ZKSCAN3: variants seen among roughly 807,000 people sequenced by gnomAD.
ZKSCAN3 encodes zinc finger protein with KRAB and SCAN domains 3.
In ZKSCAN3, 21 loss-of-function variants were observed where a neutral mutation model predicts 30.7. That is an observed-to-expected ratio of 0.68 (90% CI 0.49 to 0.99). ZKSCAN3 has a LOEUF of 0.99. ZKSCAN3 is among the 50% of genes least tolerant of loss of function. The pLI is 0.00. For synonymous variants in ZKSCAN3, 201 were observed against 246.7 expected (o/e 0.81, Z 1.73); for missense variants, 507 against 647.1 (o/e 0.78, Z 2.35).
chr6:28,364,441 G>C (rs914735429), intron 5 of ZKSCAN3, among the ~76,000 whole-genome samples: 1 of 152,230 alleles, frequency 6.6e-6, no homozygotes, highest in Admixed American at 6.5e-5. Context: ...GAAGAGGAAA[G>C]CTGGGAGGCC....
chr6:28,352,316 AT>A (rs138730255), intron 1 of ZKSCAN3, among the ~76,000 whole-genome samples: 3 of 151,404 alleles, frequency 2.0e-5, no homozygotes, highest in African/African-American at 4.9e-5. Flanking sequence ...GATTTAATTG[AT>A]TTTTTTTTCA....
Position 28,363,171 on chromosome 6 carries a change from T to C in ZKSCAN3, c.551-132T>C, listed in dbSNP as rs1174834487. ...AGTGCAGTGGCTCAATCACAGCTCA[T>C]TGCAGCTTCAGACTCCTGGGCTCAA... On this transcript the variant is annotated intron_variant, in intron 3 of 5. Transcript: ENST00000252211. The C allele has an allele frequency of 1.4e-5, 10 of 729,998 alleles. No homozygotes were observed. In the South Asian group the frequency reaches 1.7e-4, roughly 12 times the overall value. 45.2% of individuals were successfully genotyped at this position (729,998 alleles called of 1,614,324 possible).
chr6:28,353,830 A>G (rs1033349662), intron 1 of ZKSCAN3: 1 of 457,000 alleles, frequency 2.2e-6, no homozygotes, highest in Non-Finnish European at 4.4e-6. Flanking sequence ...CCAGTGAATT[A>G]TACTATTAGC....
intron 2 of ZKSCAN3, chr6:28,360,478 TA>T (rs774006972): frequency 4.2e-6 from 3 of 717,158 alleles, no homozygotes; most frequent in Non-Finnish European, 5.1e-6. Flanking sequence ...TAGTTAAAAA[TA>T]AGATTAGCTT....
Position 28,365,562 on chromosome 6 carries a change from G to C in ZKSCAN3, c.894G>C (p.Glu298Asp). 1 of 1,614,262 alleles carries C rather than the reference G, an allele frequency of 6.2e-7. No individual in the cohort carries two copies. The highest frequency in any genetic ancestry group is 1.1e-5 in the South Asian group (1 of 91,088). ...CATGTGCAGAAGCTGGTGAACAGGA[G>C]GGCAGGCTACAAAGAAAGCAGAAAA... The part of the protein sequence containing the change: ...IPTCAEAGEQ[E>D]GRLQRKQKNA... Residue 298 changes from glutamate (E) to aspartate (D), a missense_variant, in exon 6 of 6, where the codon GAG becomes GAC. Physicochemically the swap from Glu to Asp is conservative, Grantham distance 45. Transcript: ENST00000252211.
chr6:28,356,586 C>T (rs1246157988), intron 1 of ZKSCAN3, among the ~76,000 whole-genome samples: 1 of 152,214 alleles, frequency 6.6e-6, no homozygotes, highest in Non-Finnish European at 1.5e-5. Flanking sequence ...TGTTCATGCT[C>T]TATTTTCTGG....
chr6:28,354,592 A>G (rs1462899032), intron 1 of ZKSCAN3, among the ~76,000 whole-genome samples: 2 of 152,218 alleles, frequency 1.3e-5, no homozygotes, highest in Non-Finnish European at 2.9e-5. Context: ...AGCCTGACAC[A>G]TAAGCTCTGG....
chr6:28,350,774 G>GA (rs564864902), intron 1 of ZKSCAN3, among the ~76,000 whole-genome samples: 149 of 152,146 alleles, frequency 9.8e-4, no homozygotes, highest in Admixed American at 2.5e-3. Flanking sequence ...TTTTAGGAGG[G>GA]AAAAATAAGA....
chr6:28,356,731 C>T (rs903254548), intron 1 of ZKSCAN3, among the ~76,000 whole-genome samples: 2 of 152,256 alleles, frequency 1.3e-5, no homozygotes, highest in African/African-American at 4.8e-5. Flanking sequence ...CACTCCTTCT[C>T]GGTCCTGTGC....
chr6:28,366,087 T>C lies in ZKSCAN3; in HGVS notation c.1419T>C (p.Asn473=). Residue 473 remains asparagine, a synonymous_variant, in exon 6 of 6, where the codon AAT becomes AAC. Transcript: ENST00000252211. ...WKSRMESQLE[N]VETPMSYKCN... ...GTAGGATGGAAAGCCAGTTGGAAAA[T>C]GTTGAAACTCCCATGTCTTATAAAT... 1.2e-6 allele frequency: 2 copies of C among 1,608,910 alleles called. No individual in the cohort carries two copies. The highest frequency in any genetic ancestry group is 1.7e-6 in the Non-Finnish European group (2 of 1,178,034).
At position 28,359,937 on chromosome 6, in the gene ZKSCAN3, G is replaced by C; in HGVS notation, c.351G>C (p.Val117=). ...REQHPESGEE[V]VVLLEYLERQ... ...AGCATCCAGAGAGCGGGGAGGAGGT[G>C]GTGGTGCTATTGGAGTATTTGGAGA... is the stretch of plus-strand genomic sequence containing the variant. Residue 117 remains valine (V), a synonymous_variant, in exon 2 of 6, where the codon GTG becomes GTC. Coordinates refer to ENST00000252211, the MANE Select transcript of ZKSCAN3 (RefSeq NM_024493.4). The C allele has an allele frequency of 6.2e-7, 1 of 1,614,112 alleles. No individual in the cohort carries two copies. Among genetic ancestry groups the C allele is most frequent in the South Asian group, 1.1e-5 (1 of 91,080 alleles).
In ZKSCAN3 at chr6:28,365,406, C is replaced by T; in HGVS notation, c.758-20C>T. 1.3e-6 allele frequency: 2 copies of T among 1,588,084 alleles called. No individual in the cohort carries two copies. Among genetic ancestry groups the T allele is most frequent in the Non-Finnish European group, 8.6e-7 (1 of 1,168,626 alleles). On this transcript the variant is annotated intron_variant, in intron 5 of 5. Coordinates refer to ENST00000252211, the MANE Select transcript of ZKSCAN3 (RefSeq NM_024493.4). Reference sequence around the variant, plus strand: ...CCTTCCATGGCATAAGCCACAGTTGCCAGTTATTTGTTGTTTCAGGTGATG... The same window carrying T: ...CCTTCCATGGCATAAGCCACAGTTGTCAGTTATTTGTTGTTTCAGGTGATG...
intron 1 of ZKSCAN3, among the ~76,000 whole-genome samples, chr6:28,355,162 T>A (rs138205284): frequency 3.4e-4 from 52 of 152,252 alleles, no homozygotes; most frequent in Non-Finnish European, 4.3e-4. Flanking sequence ...TAACCTTATC[T>A]TGCATTAGGA....
In ZKSCAN3 at chr6:28,363,754, A is replaced by G. The variant is rs769070658; in HGVS notation, c.696A>G (p.Ser232=). ...CCCCTGAATGGACACAGCAGGATTCATCTCAGGGGAATCTCTGTAGAGATG... is the reference window on the plus strand; with the variant it reads ...CCCCTGAATGGACACAGCAGGATTCGTCTCAGGGGAATCTCTGTAGAGATG... The part of the protein sequence containing the change: ...TLTPEWTQQD[S]SQGNLCRDEK... Residue 232 remains serine (S), a synonymous_variant, in exon 5 of 6, where the codon TCA becomes TCG. Transcript: ENST00000252211. The G allele has an allele frequency of 9.9e-6, 16 of 1,613,914 alleles. No individual in the cohort carries two copies. Among genetic ancestry groups the G allele is most frequent in the Admixed American group, 1.7e-5 (1 of 59,992 alleles).
intron 5 of ZKSCAN3, among the ~76,000 whole-genome samples, chr6:28,364,315 C>T (rs1207593154): frequency 1.3e-5 from 2 of 152,122 alleles, no homozygotes; most frequent in Admixed American, 1.3e-4. Context: ...TTCTCCTCTC[C>T]GTGCCAGTAT....
chr6:28,358,513 C>T (rs1305392871), intron 1 of ZKSCAN3, among the ~76,000 whole-genome samples: 2 of 151,132 alleles, frequency 1.3e-5, no homozygotes, highest in African/African-American at 4.8e-5. Flanking sequence ...TTGAATCTCT[C>T]AATGCAGAAC....
intron 1 of ZKSCAN3, among the ~76,000 whole-genome samples, chr6:28,357,461 G>A (rs1332843177): frequency 6.6e-6 from 1 of 152,234 alleles, no homozygotes; most frequent in Non-Finnish European, 1.5e-5. Context: ...CCAGGAAGGA[G>A]GAAAGCAGGA....
chr6:28,353,790 C>A (rs1278471944), intron 1 of ZKSCAN3: 2 of 455,852 alleles, frequency 4.4e-6, no homozygotes, highest in African/African-American at 2.0e-5. Context: ...ACAGAACCAC[C>A]AGGCCTACTC....
intron 1 of ZKSCAN3, among the ~76,000 whole-genome samples, chr6:28,350,601 C>T (rs1261161701): frequency 1.3e-5 from 2 of 152,046 alleles, no homozygotes; most frequent in Non-Finnish European, 1.5e-5. Context: ...TGAATGCATT[C>T]GTATGGGTAA....
Sources: allele counts gnomAD v4.1 joint callset (sites outside exome capture counted in the v4.1 genomes callset), GRCh38; gene constraint gnomAD v4.1.1; transcripts MANE v1.5; gene names NCBI Gene and HGNC (gene_info 2026-07-23, HGNC 2026-07-21).